KCNIP4: variants seen among roughly 807,000 people sequenced by gnomAD.
KCNIP4 encodes Kv channel-interacting protein 4.
Under a neutral mutation model 34.0 loss-of-function variants are expected in KCNIP4, and 12 were observed. That is an observed-to-expected ratio of 0.35 (90% CI 0.23 to 0.57). The LOEUF (loss-of-function observed/expected upper bound fraction) is 0.57. Among genes scored for constraint, KCNIP4 ranks in the 20% least tolerant of loss-of-function variants. The pLI, the probability that KCNIP4 is intolerant of heterozygous loss-of-function variation, is 0.83. For missense variants in KCNIP4, 238 were observed against 311.7 expected (o/e 0.76, Z 1.78); for synonymous variants, 124 against 102.2 (o/e 1.21, Z -1.29).
chr4:20,868,806 T>C (rs1485261134), intron 2 of KCNIP4, among the ~76,000 whole-genome samples: 1 of 152,010 alleles, frequency 6.6e-6, no homozygotes, highest in African/African-American at 2.4e-5. Context: ...GAAATAAATA[T>C]GGGAACAGTA....
At chr4:20,955,285 T>A (rs1485969209) in intron 1 of KCNIP4, among the ~76,000 whole-genome samples, 1 of 152,212 alleles carries the variant, frequency 6.6e-6, no homozygotes, top group Non-Finnish European at 1.5e-5. Flanking sequence ...TAAGTCCTAA[T>A]AAATGTAGCG....
At chr4:21,275,396 G>T (rs1762381741) in intron 1 of KCNIP4, among the ~76,000 whole-genome samples, 1 of 152,108 alleles carries the variant, frequency 6.6e-6, no homozygotes, top group South Asian at 2.1e-4. Flanking sequence ...GGATTAATAG[G>T]TCTATAAAAC....
intron 3 of KCNIP4, among the ~76,000 whole-genome samples, chr4:20,770,995 G>A (rs1470606790): frequency 6.6e-6 from 1 of 152,056 alleles, no homozygotes; most frequent in Non-Finnish European, 1.5e-5. Flanking sequence ...TATTTACACA[G>A]CATTTCCATG....
intron 1 of KCNIP4, among the ~76,000 whole-genome samples, chr4:21,213,516 G>T (rs1422836739): frequency 6.6e-6 from 1 of 152,000 alleles, no homozygotes; most frequent in Non-Finnish European, 1.5e-5. Flanking sequence ...TGGCCAGGCT[G>T]GTCTCGAACT....
intron 3 of KCNIP4, among the ~76,000 whole-genome samples, chr4:20,769,430 A>G (rs1755682799): frequency 6.6e-6 from 1 of 152,092 alleles, no homozygotes; most frequent in Non-Finnish European, 1.5e-5. Flanking sequence ...GATTTTCCCA[A>G]CTTTATCCAG....
rs116837192 is a variant in KCNIP4 at position 20,962,966 on chromosome 4, G to A, written c.62-80257C>T. 3.1e-3 allele frequency among the ~76,000 whole-genome samples: 477 copies of A among 152,174 alleles called. 2 individuals are homozygous for A. The highest frequency in any genetic ancestry group is 0.011 in the African/African-American group (463 of 41,506). On this transcript the variant is annotated intron_variant, in intron 1 of 8. Coordinates refer to ENST00000382152, the MANE Select transcript of KCNIP4 (RefSeq NM_025221.6). ...ATTCAATTTCTCTAACCGTCACTTTGTCTGTAAAATGGGGATAAAAAATTT... is the reference window on the plus strand; with the variant it reads ...ATTCAATTTCTCTAACCGTCACTTTATCTGTAAAATGGGGATAAAAAATTT...
intron 1 of KCNIP4, among the ~76,000 whole-genome samples, chr4:21,156,829 T>C (rs1160661883): frequency 6.6e-6 from 1 of 152,152 alleles, no homozygotes; most frequent in Non-Finnish European, 1.5e-5. Context: ...AGGTGTGTTG[T>C]TCATGTTCAC....
At position 21,661,214 on chromosome 4, in the gene KCNIP4, G is replaced by T. The variant is rs150169265; in HGVS notation, c.61+287357C>A. ...CCTTTCCAGCTCCCCATCCCATTTA[G>T]AGCCACCTCCTTCACTCAATAAAAT... is the stretch of plus-strand genomic sequence containing the variant. On this transcript the variant is annotated intron_variant, in intron 1 of 8. Transcript: ENST00000382152. 6.2e-3 allele frequency among the ~76,000 whole-genome samples: 938 copies of T among 152,198 alleles called. 8 individuals carry two copies. Among genetic ancestry groups the T allele is most frequent in the Non-Finnish European group, 9.9e-3 (672 of 68,014 alleles).
chr4:20,819,713 G>A (rs1716867917), intron 3 of KCNIP4, among the ~76,000 whole-genome samples: 1 of 152,166 alleles, frequency 6.6e-6, no homozygotes, highest in African/African-American at 2.4e-5. Context: ...CCTCATTAAT[G>A]GGATTAGTGC....
chr4:21,187,184 T>C (rs1198301163), intron 1 of KCNIP4, among the ~76,000 whole-genome samples: 1 of 152,168 alleles, frequency 6.6e-6, no homozygotes, highest in Admixed American at 6.5e-5. Context: ...ACCATTCACA[T>C]AGGCTATGGT....
At chr4:21,122,246 C>T (rs1162173899) in intron 1 of KCNIP4, among the ~76,000 whole-genome samples, 3 of 144,776 alleles carry the variant, frequency 2.1e-5, no homozygotes, top group South Asian at 4.4e-4. Context: ...GGTTAAATTG[C>T]TCTTGTAGGA....
intron 1 of KCNIP4, among the ~76,000 whole-genome samples, chr4:21,451,955 G>T (rs1293430623): frequency 1.3e-5 from 2 of 152,018 alleles, no homozygotes; most frequent in African/African-American, 2.4e-5. Context: ...TAAAAGAAAA[G>T]AATGTTATTC....
At chr4:21,375,721 CA>C (rs1371951836) in intron 1 of KCNIP4, among the ~76,000 whole-genome samples, 3 of 152,164 alleles carry the variant, frequency 2.0e-5, no homozygotes, top group African/African-American at 7.2e-5. Context: ...CGCCTGCCAC[CA>C]CGCCCAGCTA....
At chr4:21,486,791 T>TA (rs1271238999) in intron 1 of KCNIP4, among the ~76,000 whole-genome samples, 1 of 152,112 alleles carries the variant, frequency 6.6e-6, no homozygotes, top group African/African-American at 2.4e-5. Context: ...GCACCTTGGT[T>TA]ACAATATTGA....
intron 1 of KCNIP4, among the ~76,000 whole-genome samples, chr4:21,679,996 G>C (rs1423051413): frequency 1.3e-5 from 2 of 152,166 alleles, no homozygotes; most frequent in African/African-American, 2.4e-5. Flanking sequence ...GGTGTCTAGT[G>C]TAATTCTTAA....
intron 1 of KCNIP4, among the ~76,000 whole-genome samples, chr4:21,507,834 C>T (rs890316164): frequency 1.3e-5 from 2 of 152,170 alleles, no homozygotes; most frequent in Non-Finnish European, 2.9e-5. Context: ...TAATTCTCGT[C>T]TAACAGCTAT....
chr4:21,057,427 C>A (rs1359257327), intron 1 of KCNIP4, among the ~76,000 whole-genome samples: 1 of 152,064 alleles, frequency 6.6e-6, no homozygotes, highest in South Asian at 2.1e-4. Flanking sequence ...CTTTGTTAGC[C>A]TAAAATGTAG....
intron 1 of KCNIP4, among the ~76,000 whole-genome samples, chr4:21,483,912 A>G (rs1577440361): frequency 6.6e-6 from 1 of 152,032 alleles, no homozygotes; most frequent in East Asian, 1.9e-4. Context: ...ATCTTCCACC[A>G]TGATTGAAAG....
intron 1 of KCNIP4, among the ~76,000 whole-genome samples, chr4:21,108,583 C>T (rs975994954): frequency 1.3e-5 from 2 of 151,578 alleles, no homozygotes; most frequent in Admixed American, 6.6e-5. Context: ...CATCTGAAGC[C>T]ATCTTCTCTC....
Sources: gnomAD v4.1 joint callset for allele counts (sites outside exome capture counted in the v4.1 genomes callset) on GRCh38, gnomAD v4.1.1 for gene constraint, MANE v1.5 for transcripts, NCBI Gene and HGNC (gene_info 2026-07-23, HGNC 2026-07-21) for gene names.